DLG2: variants seen among roughly 807,000 people sequenced by gnomAD.
DLG2 encodes discs large MAGUK scaffold protein 2.
DLG2 carries 45 observed loss-of-function variants against 132.5 expected under a neutral mutation model. The observed-to-expected ratio is 0.34, with a 90% confidence interval of 0.27 to 0.44. The LOEUF (loss-of-function observed/expected upper bound fraction) is 0.44. Among genes scored for constraint, DLG2 ranks in the 20% least tolerant of loss-of-function variants. The pLI is 1.00. For synonymous variants in DLG2, 424 were observed against 419.6 expected, an observed-to-expected ratio of 1.01 and a Z score of -0.13; for missense variants, 1,045 against 1,196.9, an observed-to-expected ratio of 0.87 and a Z score of 1.87.
chr11:85,369,676 T>G (rs1184032622), intron 3 of DLG2, among the ~76,000 whole-genome samples: 2 of 152,130 alleles, frequency 1.3e-5, no homozygotes, highest in Admixed American at 1.3e-4. Context: ...GGTAAGTGCT[T>G]GGCAAGGCTT....
intron 19 of DLG2, among the ~76,000 whole-genome samples, chr11:83,542,471 A>G (rs1017335285): frequency 1.3e-5 from 2 of 152,208 alleles, no homozygotes; most frequent in African/African-American, 4.8e-5. Context: ...TAAAAAATCT[A>G]TGCGTATGTG....
At chr11:84,310,905 A>C (rs115398576) in intron 7 of DLG2, among the ~76,000 whole-genome samples, 1 of 152,224 alleles carries the variant, frequency 6.6e-6, no homozygotes, top group East Asian at 1.9e-4. Context: ...CAAAGGAACT[A>C]TGAGGGGAGA....
At chr11:85,154,248 G>A (rs1006238685) in intron 5 of DLG2, among the ~76,000 whole-genome samples, 5 of 151,642 alleles carry the variant, frequency 3.3e-5, no homozygotes, top group African/African-American at 1.2e-4. Flanking sequence ...CATCTTCTAG[G>A]TTAAATGAAA....
chr11:83,696,107 G>A (rs1466484892), intron 18 of DLG2, among the ~76,000 whole-genome samples: 2 of 152,196 alleles, frequency 1.3e-5, no homozygotes, highest in African/African-American at 2.4e-5. Context: ...GCAACCAGGT[G>A]GAGGATGGAC....
At chr11:85,287,648 T>A (rs774589593) in intron 3 of DLG2, among the ~76,000 whole-genome samples, 1 of 152,082 alleles carries the variant, frequency 6.6e-6, no homozygotes, top group Non-Finnish European at 1.5e-5. Context: ...CCAGTACATA[T>A]CCTAGATAAA....
chr11:85,355,382 T>C (rs978049647), intron 3 of DLG2, among the ~76,000 whole-genome samples: 1 of 152,106 alleles, frequency 6.6e-6, no homozygotes, highest in African/African-American at 2.4e-5. Context: ...TTTACTTTCT[T>C]TTTTCCAAAA....
intron 4 of DLG2, among the ~76,000 whole-genome samples, chr11:85,259,256 C>T (rs891785487): frequency 3.3e-5 from 5 of 152,064 alleles, no homozygotes; most frequent in Non-Finnish European, 7.4e-5. Context: ...TAACACCACC[C>T]CCTTCGCTCT....
intron 27 of DLG2, among the ~76,000 whole-genome samples, chr11:83,460,472 A>C (rs2089688876): frequency 6.6e-6 from 1 of 152,204 alleles, no homozygotes; most frequent in East Asian, 1.9e-4. Context: ...TGGTAACTTG[A>C]GATTTTTACC....
At chr11:84,747,171 CAAAT>C (rs1469240218) in intron 6 of DLG2, among the ~76,000 whole-genome samples, 1 of 152,042 alleles carries the variant, frequency 6.6e-6, no homozygotes, top group Non-Finnish European at 1.5e-5. Flanking sequence ...AGGGAGGGGA[CAAAT>C]GAATGATGAA....
intron 6 of DLG2, among the ~76,000 whole-genome samples, chr11:84,910,306 G>A (rs1179346527): frequency 2.0e-5 from 3 of 152,154 alleles, no homozygotes; most frequent in Admixed American, 2.0e-4. Context: ...TGCTATACTG[G>A]TGAAGCTTCA....
intron 20 of DLG2, among the ~76,000 whole-genome samples, chr11:83,535,865 T>C (rs1250167354): frequency 6.6e-6 from 1 of 152,176 alleles, no homozygotes; most frequent in Non-Finnish European, 1.5e-5. Context: ...AGGATTTAGG[T>C]ATTATCAATC....
chr11:85,462,929 T>A (rs1197685377), intron 3 of DLG2, among the ~76,000 whole-genome samples: 1 of 152,138 alleles, frequency 6.6e-6, no homozygotes, highest in Admixed American at 6.5e-5. Flanking sequence ...AATGTCCTTA[T>A]AAGAAGGTTC....
intron 7 of DLG2, among the ~76,000 whole-genome samples, chr11:84,533,092 TATCCA>T (rs2099346764): frequency 6.6e-6 from 1 of 152,228 alleles, no homozygotes; most frequent in Non-Finnish European, 1.5e-5. Context: ...GACGAGTCAT[TATCCA>T]TTGCTGAAAG....
At chr11:83,878,245 A>G (rs540620018) in intron 15 of DLG2, among the ~76,000 whole-genome samples, 1 of 152,344 alleles carries the variant, frequency 6.6e-6, no homozygotes, top group South Asian at 2.1e-4. Flanking sequence ...TCATCTATAC[A>G]TTCGCAGCTC....
At chr11:84,629,441 T>A (rs556176194) in intron 6 of DLG2, among the ~76,000 whole-genome samples, 1 of 152,178 alleles carries the variant, frequency 6.6e-6, no homozygotes, top group Non-Finnish European at 1.5e-5. Context: ...ATTAGCAGCA[T>A]CTCCAAGCTC....
intron 6 of DLG2, among the ~76,000 whole-genome samples, chr11:84,754,429 T>A (rs1268144623): frequency 6.6e-6 from 1 of 152,170 alleles, no homozygotes; most frequent in African/African-American, 2.4e-5. Context: ...CTGGAAATGT[T>A]TGAGTAAATG....
At chr11:85,521,605 G>C (rs1421254550) in intron 3 of DLG2, among the ~76,000 whole-genome samples, 2 of 151,706 alleles carry the variant, frequency 1.3e-5, no homozygotes, top group Non-Finnish European at 2.9e-5. Flanking sequence ...CTGAGAACAA[G>C]ACAAAAAAAA....
At chr11:84,103,081 C>T (rs924859237) in intron 9 of DLG2, among the ~76,000 whole-genome samples, 12 of 152,098 alleles carry the variant, frequency 7.9e-5, no homozygotes, top group Admixed American at 7.2e-4. Flanking sequence ...TCAATTAAAA[C>T]TAGTCTACCA....
Position 83,643,939 on chromosome 11 carries a change from C to T in DLG2, c.1826-10614G>A, listed in dbSNP as rs191973243. On this transcript the variant is annotated intron_variant, in intron 18 of 27. Coordinates refer to ENST00000376104, the MANE Select transcript of DLG2 (RefSeq NM_001142699.3). ...TGAACATGTCCATGGCTGTCTCAGA[C>T]TTGTTTGGTTACCCTAAGTAACCAT... 9.9e-4 allele frequency among the ~76,000 whole-genome samples: 151 copies of T among 151,930 alleles called. 1 individual carries two copies. The highest frequency in any genetic ancestry group is 3.5e-3 in the African/African-American group (143 of 41,422).
Sources: gnomAD v4.1 joint callset for allele counts (sites outside exome capture counted in the v4.1 genomes callset) on GRCh38, gnomAD v4.1.1 for gene constraint, MANE v1.5 for transcripts, NCBI Gene and HGNC (gene_info 2026-07-23, HGNC 2026-07-21) for gene names.